The following POLI variants were observed in gnomAD, a reference collection of about 807,000 sequenced individuals.
POLI encodes the protein DNA polymerase iota.
In POLI, 58 loss-of-function variants were observed where a neutral mutation model predicts 51.6. The ratio of observed to expected loss-of-function variants is 1.12; its 90% confidence interval spans 0.91 to 1.40. The LOEUF is 1.40. Among genes scored for constraint, POLI ranks in the 40% most tolerant of loss-of-function variants. The pLI, the probability that POLI is intolerant of heterozygous loss-of-function variation, is 0.00. For missense variants in POLI, 921 were observed against 871.3 expected, an observed-to-expected ratio of 1.06 and a Z score of -0.72; for synonymous variants, 322 against 299.7, an observed-to-expected ratio of 1.07 and a Z score of -0.77.
Position 54,280,767 on chromosome 18 carries a change from C to T in POLI, c.660C>T (p.Gly220=). The T allele has an allele frequency of 6.2e-7, 1 of 1,613,606 alleles. No individual in the cohort carries two copies. Among genetic ancestry groups the T allele is most frequent in the East Asian group, 2.2e-5 (1 of 44,886 alleles). Reference sequence around the variant, plus strand: ...TGTATAATCAGTTGGGGCTCACTGGCTGTGCTGGAGTGGCTTCTAATAAAC... The same window carrying T: ...TGTATAATCAGTTGGGGCTCACTGGTTGTGCTGGAGTGGCTTCTAATAAAC... ...EAMYNQLGLT[G]CAGVASNKLL... is the part of the protein sequence containing the mutation. The change falls in exon 5 of 10, where the codon GGC becomes GGT. Residue 220 remains glycine, a synonymous_variant. Coordinates refer to ENST00000579534, the MANE Select transcript of POLI (RefSeq NM_007195.3).
At position 54,295,378 on chromosome 18, in the gene POLI, C is replaced by G. The variant is rs2088271525; in HGVS notation, c.*911C>G. The stretch of plus-strand genomic sequence containing the variant: ...TGTCCTCTTTCTCCCATTGTTATTG[C>G]CTTCCTCTTTTGCCTGCTAAACTAA... On this transcript the variant is annotated 3_prime_UTR_variant, in exon 10 of 10. Transcript: ENST00000579534. 2.0e-6 allele frequency: 2 copies of G among 983,260 alleles called. No homozygotes were observed. Among genetic ancestry groups the G allele is most frequent in the African/African-American group, 1.7e-5 (1 of 57,178 alleles). 60.9% of individuals were successfully genotyped at this position (983,260 alleles called of 1,614,324 possible).
chr18:54,275,493 A>T (rs2144471261), intron 3 of POLI, among the ~76,000 whole-genome samples: 1 of 152,362 alleles, frequency 6.6e-6, no homozygotes, highest in African/African-American at 2.4e-5. Flanking sequence ...CATTAAAAAG[A>T]ATTCATTGGT....
In POLI at chr18:54,281,050, G is replaced by GA. The variant is rs371092852; in HGVS notation, c.796+153dup. 515 of 478,326 alleles carry GA rather than the reference G, an allele frequency of 1.1e-3. 13 individuals carry two copies. In the South Asian group the frequency reaches 0.022, roughly 20 times the overall value. 29.6% of individuals were successfully genotyped at this position (478,326 alleles called of 1,614,324 possible). On this transcript the variant is annotated intron_variant, in intron 5 of 9. Coordinates refer to ENST00000579534, the MANE Select transcript of POLI (RefSeq NM_007195.3). ...TGTGTGTGTGTATACTTGGTTCCTGGAAAAAACTAAGAAAAACTGTAATGT... is the reference window on the plus strand; with the variant it reads ...TGTGTGTGTGTATACTTGGTTCCTGGAAAAAAACTAAGAAAAACTGTAATGT...
At chr18:54,308,660 A>G (rs1029538269) in intron 3 of POLI, among the ~76,000 whole-genome samples, 2 of 152,170 alleles carry the variant, frequency 1.3e-5, no homozygotes, top group Non-Finnish European at 2.9e-5. Context: ...CTCCTGGATA[A>G]TATCCTGAAG....
chr18:54,273,283 C>T (rs1325067850), intron 2 of POLI, among the ~76,000 whole-genome samples: 2 of 151,330 alleles, frequency 1.3e-5, no homozygotes, highest in African/African-American at 2.4e-5. Flanking sequence ...ATTTTATATA[C>T]ATATTATATT....
At chr18:54,288,709 C>G (rs1386225155) in intron 8 of POLI, among the ~76,000 whole-genome samples, 2 of 151,690 alleles carry the variant, frequency 1.3e-5, no homozygotes, top group African/African-American at 4.8e-5. Flanking sequence ...TCTGATTCAT[C>G]TGTCATCTCA....
At chr18:54,285,096 T>G (rs965551350) in intron 7 of POLI, among the ~76,000 whole-genome samples, 4 of 152,224 alleles carry the variant, frequency 2.6e-5, no homozygotes, top group African/African-American at 9.6e-5. Context: ...TTTGCTGTCG[T>G]GTGCAATGTG....
At position 54,287,311 on chromosome 18, in the gene POLI, A is replaced by G; in HGVS notation, c.1098A>G (p.Thr366=). The G allele has an allele frequency of 6.3e-7, 1 of 1,585,486 alleles. No homozygotes were observed. The highest frequency in any genetic ancestry group is 8.6e-7 in the Non-Finnish European group (1 of 1,161,392). The change falls in exon 8 of 10, where the codon ACA becomes ACG. Residue 366 remains threonine (T), a synonymous_variant. Transcript: ENST00000579534. ...GCCAAGATGGAAGGAAGCCTCATAC[A>G]GTGAGATTAATAATCCGTCGGTATT... ...RVCQDGRKPH[T]VRLIIRRYSS...
chr18:54,294,818 T>C lies in POLI; in HGVS notation c.*351T>C. 1 of 484,430 alleles carries C rather than the reference T, an allele frequency of 2.1e-6. No homozygotes were observed. Among genetic ancestry groups the C allele is most frequent in the Non-Finnish European group, 2.4e-6 (1 of 419,142 alleles). 30.0% of individuals were successfully genotyped at this position (484,430 alleles called of 1,614,324 possible). A position where few individuals can be genotyped will look rare whatever the true frequency, so the allele number is the denominator to read the frequency against. ...GCAATGATATGGTAAAGGACACATT[T>C]TTTTTTTTTTTTTCCTGTGAAATGT... On this transcript the variant is annotated 3_prime_UTR_variant, in exon 10 of 10. Transcript: ENST00000579534.
In POLI at chr18:54,280,695, C is replaced by G. The variant is rs367942007; in HGVS notation, c.588C>G (p.Ile196Met). 27 of 1,613,048 alleles carry G rather than the reference C, an allele frequency of 1.7e-5. No individual in the cohort carries two copies. The highest frequency in any genetic ancestry group is 2.2e-5 in the Non-Finnish European group (26 of 1,179,140). ...QSINLLDVLH[I>M]RLLVGSQIAA... ...TAAACCTGCTTGACGTCTTGCACAT[C>G]AGACTACTTGTTGGATCTCAGATTG... is the stretch of plus-strand genomic sequence containing the variant. The change falls in exon 5 of 10, where the codon ATC (isoleucine) becomes ATG (methionine). Residue 196 changes from isoleucine (I) to methionine (M), a missense_variant. Physicochemically the swap from Ile to Met is conservative, Grantham distance 10. Coordinates refer to ENST00000579534, the MANE Select transcript of POLI (RefSeq NM_007195.3).
intron 4 of POLI, among the ~76,000 whole-genome samples, chr18:54,278,539 T>G (rs1287595266): frequency 6.6e-6 from 1 of 152,220 alleles, no homozygotes; most frequent in Admixed American, 6.5e-5. Flanking sequence ...ATTCCCAAGT[T>G]AGCACTTTTG....
chr18:54,294,032 T>C lies in POLI; in HGVS notation c.1788T>C (p.Ser596=). ...TATCCAGTAGCAAACAGGTATCCTC[T>C]GTATCTCCTTGTGAACCGGGAACAT... The part of the protein sequence containing the change: ...DHLSSSKQVS[S]VSPCEPGTSG... The change falls in exon 10 of 10, where the codon TCT becomes TCC. Residue 596 remains serine (S), a synonymous_variant. Transcript: ENST00000579534. 6.2e-7 allele frequency: 1 copy of C among 1,613,570 alleles called. No individual in the cohort carries two copies. Among genetic ancestry groups the C allele is most frequent in the Non-Finnish European group, 8.5e-7 (1 of 1,179,572 alleles).
downstream of POLI, among the ~76,000 whole-genome samples, chr18:54,299,223 T>C (rs1037656208): frequency 6.6e-6 from 1 of 152,078 alleles, no homozygotes. Context: ...TTGCCTAAGC[T>C]CAGGAGTTCG....
At chr18:54,301,422 A>C (rs1043897622), downstream of POLI, among the ~76,000 whole-genome samples, 1 of 152,236 alleles carries the variant, frequency 6.6e-6, no homozygotes, top group Non-Finnish European at 1.5e-5. Context: ...CATTTTGTTA[A>C]AGTGCACACA....
intron 8 of POLI, chr18:54,287,756 T>G (rs2087815472): frequency 6.2e-6 from 1 of 161,540 alleles, no homozygotes. Context: ...ACTTTTTTGA[T>G]ATTTAGGATA....
rs2087004076 is a variant in POLI at position 54,271,574 on chromosome 18, T to C, written c.241+89T>C. The C allele has an allele frequency of 3.3e-5, 32 of 960,816 alleles. 1 individual carries two copies. In the South Asian group the frequency reaches 6.3e-4, roughly 19 times the overall value. The allele number at this position is 960,816 out of a possible 1,614,324, so 59.5% of individuals were successfully genotyped here. On this transcript the variant is annotated intron_variant, in intron 2 of 9. Coordinates refer to ENST00000579534, the MANE Select transcript of POLI (RefSeq NM_007195.3). Reference sequence around the variant, plus strand: ...TTATATACTGATTTATTAACCTTATTAAGAAAGATTTTGGAAGCAGTTCTT... The same window carrying C: ...TTATATACTGATTTATTAACCTTATCAAGAAAGATTTTGGAAGCAGTTCTT...
At chr18:54,316,288 GTCA>G (rs2088733593) in intron 3 of POLI, among the ~76,000 whole-genome samples, 1 of 152,084 alleles carries the variant, frequency 6.6e-6, no homozygotes, top group Admixed American at 6.6e-5. Flanking sequence ...TTTTGATCCT[GTCA>G]TCATGAATAT....
Position 54,295,217 on chromosome 18 carries a change from T to C in POLI, c.*750T>C, listed in dbSNP as rs2144607261. On this transcript the variant is annotated 3_prime_UTR_variant, in exon 10 of 10. Transcript: ENST00000579534. Reference sequence around the variant, plus strand: ...ATGGGCCTATAAGCATACTGGATAATGGAAGAAGTCCATTTCTTTCTAGCT... The same window carrying C: ...ATGGGCCTATAAGCATACTGGATAACGGAAGAAGTCCATTTCTTTCTAGCT... The C allele has an allele frequency of 6.1e-6, 6 of 985,402 alleles. No homozygotes were observed. Among genetic ancestry groups the C allele is most frequent in the Non-Finnish European group, 7.2e-6 (6 of 829,924 alleles). 61.0% of individuals were successfully genotyped at this position (985,402 alleles called of 1,614,324 possible).
rs185455447 is a variant in POLI at position 54,295,949 on chromosome 18, G to C, written c.*1482G>C. ...GCCCCAGCTCTGAAATTTTAACTTA[G>C]TTTTGGATTCCTTGGAATTTGAAAA... On this transcript the variant is annotated 3_prime_UTR_variant, in exon 10 of 10. Transcript: ENST00000579534. 10 of 985,176 alleles carry C rather than the reference G, an allele frequency of 1.0e-5. No individual in the cohort carries two copies. Among genetic ancestry groups the C allele is most frequent in the Non-Finnish European group, 1.2e-5 (10 of 829,784 alleles). 61.0% of individuals were successfully genotyped at this position (985,176 alleles called of 1,614,324 possible).
Sources: allele counts gnomAD v4.1 joint callset (sites outside exome capture counted in the v4.1 genomes callset), GRCh38; gene constraint gnomAD v4.1.1; transcripts MANE v1.5; gene names NCBI Gene and HGNC (gene_info 2026-07-23, HGNC 2026-07-21).